The following MAD2L2 variants were observed in gnomAD, a reference collection of about 807,000 sequenced individuals.
MAD2L2 encodes the protein mitotic spindle assembly checkpoint protein MAD2B.
A neutral mutation model predicts 30.5 loss-of-function variants in MAD2L2; 17 were observed. The observed-to-expected ratio is 0.56, with a 90% confidence interval of 0.38 to 0.84. MAD2L2 has a LOEUF of 0.84. Ranked by LOEUF, MAD2L2 falls within the 40% of genes least tolerant of loss-of-function variation. The pLI is 0.00. For synonymous variants in MAD2L2, 101 were observed against 113.9 expected (o/e 0.89, Z 0.72); for missense variants, 213 against 277.4 (o/e 0.77, Z 1.65).
chr1:11,676,707 TC>T, intron 5 of MAD2L2, 140 bp downstream of exon 5: 1 of 700,536 alleles, frequency 1.4e-6, no homozygotes, highest in Non-Finnish European at 2.6e-6. Flanking sequence ...TCACAGGCTG[TC>T]CCCTTGTCAT....
rs1487215024 is a variant in MAD2L2, at chr1:11,674,933, C to A, written c.595-117G>T. On this transcript the variant is annotated intron_variant, in intron 8 of 8. Transcript: ENST00000376692. The surrounding 1 kb of genome is among the most constrained non-coding windows in gnomAD (Gnocchi z 6.1). ...CACAGGTGGGGCCTCGTGGCCATAG[C>A]CATGGTGGAGAAGAGTAGAGATGGG... 2 of 1,371,652 alleles carry A rather than the reference C, an allele frequency of 1.5e-6. No individual in the cohort carries two copies. The highest frequency in any genetic ancestry group is 1.8e-5 in the Admixed American group (1 of 56,940). The allele number at this position is 1,371,652 out of a possible 1,614,324, so 85.0% of individuals were successfully genotyped here.
At chr1:11,677,684 G>A in intron 3 of MAD2L2, 70 bp from the exon 4 acceptor site, 1 of 1,330,464 alleles carries the variant, frequency 7.5e-7, no homozygotes, top group East Asian at 2.3e-5. Context: ...ACAACCAGGA[G>A]CCTAAGGCCC....
chr1:11,691,063 C>A (rs1641053479), intron 1 of MAD2L2, among the ~76,000 whole-genome samples: 1 of 152,186 alleles, frequency 6.6e-6, no homozygotes, highest in African/African-American at 2.4e-5. Flanking sequence ...CCCTTTGTAC[C>A]CCTACATCCA....
chr1:11,677,439 C>A, intron 4 of MAD2L2, 104 bp downstream of exon 4: 1 of 1,121,686 alleles, frequency 8.9e-7, no homozygotes, highest in African/African-American at 1.5e-5. Context: ...CCATGAAGAC[C>A]CCACAGAGTC....
At chr1:11,683,606 G>A (rs1056854554), upstream of MAD2L2, among the ~76,000 whole-genome samples, 1 of 152,064 alleles carries the variant, frequency 6.6e-6, no homozygotes, top group Non-Finnish European at 1.5e-5. Flanking sequence ...CTGAGGTGAT[G>A]GATGCACCAA....
At chr1:11,680,297 A>G (rs1640848151) in intron 3 of MAD2L2, 56 bp downstream of exon 3, 1 of 1,466,066 alleles carries the variant, frequency 6.8e-7, no homozygotes, top group Non-Finnish European at 9.4e-7. Flanking sequence ...CGCCCGACCA[A>G]AGAATTTTTA....
At chr1:11,682,643 G>A (rs1640896984), upstream of MAD2L2, among the ~76,000 whole-genome samples, 1 of 152,102 alleles carries the variant, frequency 6.6e-6, no homozygotes, top group Non-Finnish European at 1.5e-5. Context: ...CAACCTGATC[G>A]AGGTGGGGTG....
intron 1 of MAD2L2, among the ~76,000 whole-genome samples, chr1:11,686,956 C>T (rs1212496002): frequency 2.6e-5 from 4 of 152,168 alleles, no homozygotes; most frequent in African/African-American, 4.8e-5. Flanking sequence ...ATTTTCATCA[C>T]TCCTGATGTC....
rs113444101 is a variant in MAD2L2, at chr1:11,691,212, T to C, written c.-692+201A>G. Among the ~76,000 whole-genome samples, 9 of 152,042 alleles carry C rather than the reference T, an allele frequency of 5.9e-5. 1 individual carries two copies. The highest frequency in any genetic ancestry group is 2.2e-4 in the African/African-American group (9 of 41,516). ...TTGACAGTCTAGGCGGAATAATCCTTTTGTGGCCCCGGGCCCCTGCCCTGA... is the reference window on the plus strand; with the variant it reads ...TTGACAGTCTAGGCGGAATAATCCTCTTGTGGCCCCGGGCCCCTGCCCTGA... On this transcript the variant is annotated intron_variant, in intron 1 of 10. Coordinates refer to the MAD2L2 transcript ENST00000235310.
In MAD2L2 at chr1:11,687,062, T is replaced by C. The variant is rs1165177076; in HGVS notation, c.-692+4351A>G. On this transcript the variant is annotated intron_variant, in intron 1 of 10. Transcript: ENST00000235310. The surrounding 1 kb of genome is among the most constrained non-coding windows in gnomAD (Gnocchi z 4.1). ...TGTTCTATGGATTGTCCAATTTTTT[T>C]ATTTTTTTATTTTATTTTTTGGAGA... is the stretch of plus-strand genomic sequence containing the variant. Among the ~76,000 whole-genome samples, 1 of 152,110 alleles carries C rather than the reference T, an allele frequency of 6.6e-6. No individual in the cohort carries two copies. Among genetic ancestry groups the C allele is most frequent in the Non-Finnish European group, 1.5e-5 (1 of 68,016 alleles).
upstream of MAD2L2, chr1:11,681,777 G>A (rs1557680830): frequency 6.6e-6 from 1 of 152,274 alleles, no homozygotes; most frequent in African/African-American, 2.4e-5. Context: ...ACTGGGCTAA[G>A]TGTGTCCGTG....
intron 1 of MAD2L2, among the ~76,000 whole-genome samples, chr1:11,691,055 C>CT (rs1228338711): frequency 6.6e-6 from 1 of 152,192 alleles, no homozygotes; most frequent in East Asian, 1.9e-4. Flanking sequence ...TTTGAAGACC[C>CT]TTTGTACCCC....
chr1:11,675,728 C>G lies in MAD2L2; in HGVS notation c.431G>C (p.Cys144Ser). Reference sequence around the variant, plus strand: ...CGTGTGCACCAGGACTGTGAAGGTACAGCCTGGAGAGGCAAGAGGTTGGTG... The same window carrying G: ...CGTGTGCACCAGGACTGTGAAGGTAGAGCCTGGAGAGGCAAGAGGTTGGTG... Reference protein sequence around the residue: ...DAVLDHNPPGCTFTVLVHTRE... With the variant: ...DAVLDHNPPGSTFTVLVHTRE... The change falls in exon 7 of 9, where the codon TGT becomes TCT. Residue 144 changes from cysteine to serine, a missense_variant. Transcript: ENST00000376692. 6.2e-7 allele frequency: 1 copy of G among 1,613,750 alleles called. No individual in the cohort carries two copies. The highest frequency in any genetic ancestry group is 8.5e-7 in the Non-Finnish European group (1 of 1,179,780).
At chr1:11,679,521 C>T (rs1398904110) in intron 3 of MAD2L2, among the ~76,000 whole-genome samples, 1 of 151,798 alleles carries the variant, frequency 6.6e-6, no homozygotes, top group African/African-American at 2.4e-5. Flanking sequence ...TGCCACCATG[C>T]CCCCAGGGTA....
At chr1:11,675,264 T>G (rs946485618) in intron 7 of MAD2L2, 90 bp from the exon 8 acceptor site, 1 of 842,694 alleles carries the variant, frequency 1.2e-6, no homozygotes. Flanking sequence ...ACCAGGGGCC[T>G]CCAACCTGAG....
At position 11,674,981 on chromosome 1, in the gene MAD2L2, C is replaced by T; in HGVS notation, c.594+101G>A. 2.3e-6 allele frequency: 3 copies of T among 1,280,454 alleles called. No individual in the cohort carries two copies. The highest frequency in any genetic ancestry group is 3.3e-6 in the Non-Finnish European group (3 of 903,002). 79.3% of individuals were successfully genotyped at this position (1,280,454 alleles called of 1,614,324 possible). On this transcript the variant is annotated intron_variant, in intron 8 of 8. Coordinates refer to ENST00000376692, the MANE Select transcript of MAD2L2 (RefSeq NM_006341.4). This position sits in a 1 kb window ranked among gnomAD's most constrained non-coding sequence, Gnocchi z 6.1. ...GGGAGGAGCCCTCCACCAGGCACTC[C>T]CCCGTTCTCTCCCGCAAGCCCTCTA...
At chr1:11,676,742 C>A in intron 5 of MAD2L2, 106 bp downstream of exon 5, 1 of 844,346 alleles carries the variant, frequency 1.2e-6, no homozygotes, top group Non-Finnish European at 2.0e-6. Context: ...GCCCTTTCTC[C>A]TCCCAGGCCT....
Position 11,680,565 on chromosome 1 carries a change from G to A in MAD2L2, c.37C>T (p.Gln13Ter). The change falls in exon 2 of 9, where the codon CAA (glutamine) becomes TAA (stop). Residue 13 changes from glutamine to a stop codon, truncating the protein, a stop_gained. Transcript: ENST00000376692. LOFTEE classifies it high-confidence loss of function. ...CCCGCAGGTCCAGCCTCCCTACCTT[G>A]GCCAAAGTTGAGGTCTTGTCGTGTG... ...TLTRQDLNFG[Q>*]VVADVLCEFL... is the part of the protein sequence containing the mutation. The A allele has an allele frequency of 3.1e-6, 5 of 1,601,480 alleles. No homozygotes were observed. Among genetic ancestry groups the A allele is most frequent in the Non-Finnish European group, 4.3e-6 (5 of 1,172,864 alleles).
intron 3 of MAD2L2, among the ~76,000 whole-genome samples, 168 bp from the exon 4 acceptor site, chr1:11,677,782 G>A (rs1174819597): frequency 1.3e-5 from 2 of 152,122 alleles, no homozygotes; most frequent in Non-Finnish European, 2.9e-5. Flanking sequence ...AGAACTGGCC[G>A]GGCATGGTGG....
Sources: gnomAD v4.1 joint callset for allele counts (sites outside exome capture counted in the v4.1 genomes callset) on GRCh38, gnomAD v4.1.1 for gene constraint, Gnocchi (gnomAD v3.1) non-coding constraint, MANE v1.5 for transcripts, NCBI Gene and HGNC (gene_info 2026-07-23, HGNC 2026-07-21) for gene names.